The following RAPH1 variants were observed in gnomAD, a reference collection of about 807,000 sequenced individuals.
The protein encoded by RAPH1 is ras-associated and pleckstrin homology domains-containing protein 1.
RAPH1 carries 18 observed loss-of-function variants against 88.1 expected under a neutral mutation model. The observed-to-expected ratio is 0.20, with a 90% confidence interval of 0.14 to 0.30. The LOEUF (loss-of-function observed/expected upper bound fraction) is 0.30. Ranked by LOEUF, RAPH1 falls within the 10% of genes least tolerant of loss-of-function variation. The pLI is 1.00. For missense variants in RAPH1, 1,448 were observed against 1,543.2 expected, an observed-to-expected ratio of 0.94 and a Z score of 1.03; for synonymous variants, 587 against 559.0, an observed-to-expected ratio of 1.05 and a Z score of -0.71.
chr2:203,496,698 G>A (rs919436136), intron 1 of RAPH1, among the ~76,000 whole-genome samples: 2 of 152,100 alleles, frequency 1.3e-5, no homozygotes, highest in African/African-American at 2.4e-5. Context: ...CATAGTTACT[G>A]ACTAAAATCT....
At chr2:203,534,159 C>A (rs1690508091) in intron 1 of RAPH1, among the ~76,000 whole-genome samples, 2 of 152,168 alleles carry the variant, frequency 1.3e-5, no homozygotes, top group Admixed American at 1.3e-4. Context: ...GTGGACTTTA[C>A]CTACATAAGC....
At chr2:203,500,003 C>T (rs1475827255) in intron 1 of RAPH1, among the ~76,000 whole-genome samples, 1 of 152,154 alleles carries the variant, frequency 6.6e-6, no homozygotes, top group African/African-American at 2.4e-5. Flanking sequence ...GCTATCAGAG[C>T]CATTTCCATG....
intron 8 of RAPH1, among the ~76,000 whole-genome samples, chr2:203,455,946 T>C (rs777486066): frequency 2.6e-5 from 4 of 151,692 alleles, no homozygotes; most frequent in Admixed American, 6.6e-5. Context: ...GAGGCGGAGA[T>C]TGCAGTGAGC....
intron 10 of RAPH1, among the ~76,000 whole-genome samples, chr2:203,451,862 A>C (rs981778325): frequency 2.0e-5 from 3 of 152,190 alleles, no homozygotes; most frequent in Non-Finnish European, 4.4e-5. Flanking sequence ...TTGGCTTGTC[A>C]GCAGAAAATG....
At chr2:203,461,738 C>A in intron 5 of RAPH1, 110 bp downstream of exon 5, 1 of 698,494 alleles carries the variant, frequency 1.4e-6, no homozygotes, top group South Asian at 2.6e-5. Context: ...GGAAGAAATG[C>A]CCCTGTATCT....
At chr2:203,528,757 G>A (rs1296621915) in intron 1 of RAPH1, among the ~76,000 whole-genome samples, 1 of 151,588 alleles carries the variant, frequency 6.6e-6, no homozygotes, top group Non-Finnish European at 1.5e-5. Context: ...AACCATTACT[G>A]CTTATTAAGT....
chr2:203,528,024 T>G (rs1446298780), intron 1 of RAPH1, among the ~76,000 whole-genome samples: 1 of 152,018 alleles, frequency 6.6e-6, no homozygotes, highest in Non-Finnish European at 1.5e-5. Context: ...ACCAAACAGG[T>G]TTGTCTCATG....
chr2:203,440,074 C>A lies in RAPH1; in HGVS notation c.3116G>T (p.Gly1039Val). ...KLNLSGVNLP[G>V]VLQQGCVSAK... ...TGACACACACCCTTGTTGGAGAACT[C>A]CAGGAAGGTTGACTCCAGAAAGATT... Residue 1039 changes from glycine to valine, a missense_variant, in exon 14 of 14, where the codon GGA becomes GTA. Physicochemically the swap from Gly to Val is moderately radical, Grantham distance 109 (BLOSUM62 -3). Around this residue, in one of 2 missense-constraint regions of RAPH1, gnomAD observed 935 missense variants for 890.1 expected, o/e 1.05. Coordinates refer to ENST00000319170, the MANE Select transcript of RAPH1 (RefSeq NM_213589.3). The A allele has an allele frequency of 6.2e-7, 1 of 1,613,538 alleles. No individual in the cohort carries two copies. The highest frequency in any genetic ancestry group is 1.3e-5 in the African/African-American group (1 of 74,982).
At chr2:203,504,054 T>C (rs974544603) in intron 1 of RAPH1, among the ~76,000 whole-genome samples, 3 of 152,140 alleles carry the variant, frequency 2.0e-5, no homozygotes, top group African/African-American at 7.2e-5. Flanking sequence ...CGGGCTGGCA[T>C]TGAGTGTCTG....
intron 1 of RAPH1, among the ~76,000 whole-genome samples, chr2:203,513,687 T>C (rs1186348221): frequency 1.3e-5 from 2 of 149,548 alleles, no homozygotes; most frequent in Non-Finnish European, 3.0e-5. Flanking sequence ...ATACAAAAAT[T>C]AGCCAGGTGT....
chr2:203,481,807 G>A (rs557204955), intron 4 of RAPH1, among the ~76,000 whole-genome samples: 10 of 144,940 alleles, frequency 6.9e-5, no homozygotes, highest in African/African-American at 2.3e-4. Flanking sequence ...TCACCATGTT[G>A]GCCAGGCTGG....
chr2:203,456,667 C>T (rs952325433), intron 8 of RAPH1, among the ~76,000 whole-genome samples: 1 of 152,040 alleles, frequency 6.6e-6, no homozygotes, highest in African/African-American at 2.4e-5. Context: ...TTTTACTTAA[C>T]CGTAGTTAGT....
At chr2:203,518,539 CA>C (rs60376098) in intron 1 of RAPH1, among the ~76,000 whole-genome samples, 1 of 146,640 alleles carries the variant, frequency 6.8e-6, no homozygotes, top group Admixed American at 6.8e-5. Context: ...AACAAAAAAA[CA>C]AAAAAAAAAC....
chr2:203,525,146 A>G (rs921764826), intron 1 of RAPH1, among the ~76,000 whole-genome samples: 6 of 152,222 alleles, frequency 3.9e-5, no homozygotes, highest in Non-Finnish European at 7.3e-5. Context: ...CCAGTTGCCC[A>G]CCAACAGGAA....
chr2:203,500,195 A>G (rs561482736), intron 1 of RAPH1, among the ~76,000 whole-genome samples: 1 of 152,236 alleles, frequency 6.6e-6, no homozygotes, highest in Non-Finnish European at 1.5e-5. Context: ...AAGTGCTATA[A>G]AAGAGGTATG....
intron 2 of RAPH1, among the ~76,000 whole-genome samples, chr2:203,493,896 G>A (rs1310131632): frequency 4.7e-5 from 7 of 149,560 alleles, no homozygotes; most frequent in Non-Finnish European, 7.4e-5. Flanking sequence ...GCTTGAACCC[G>A]GGAGGCGGTG....
intron 1 of RAPH1, among the ~76,000 whole-genome samples, chr2:203,501,815 GAA>G (rs56269110): frequency 5.8e-3 from 619 of 106,668 alleles, no homozygotes; most frequent in South Asian, 0.015. Context: ...TAAGCATTAT[GAA>G]AAAAAAAAAA....
Position 203,506,860 on chromosome 2 carries a change from A to ATC in RAPH1, c.1-11508_1-11507insGA, listed in dbSNP as rs1360083415. ...TATCTATATATCTATCTATATCTAT[A>ATC]TATATATATATATATATATAGATAT... On this transcript the variant is annotated intron_variant, in intron 1 of 13. Coordinates refer to ENST00000319170, the MANE Select transcript of RAPH1 (RefSeq NM_213589.3). Among the ~76,000 whole-genome samples the ATC allele has an allele frequency of 1.9e-3, 153 of 78,908 alleles. 11 individuals carry two copies. The highest frequency in any genetic ancestry group is 2.9e-3 in the South Asian group (8 of 2,804). The allele number at this position is 78,908 out of a possible 152,430, so 51.8% of individuals were successfully genotyped here. A position where few individuals can be genotyped will look rare whatever the true frequency, so the allele number is the denominator to read the frequency against.
At chr2:203,534,342 T>C (rs2106027716) in intron 1 of RAPH1, among the ~76,000 whole-genome samples, 1 of 152,294 alleles carries the variant, frequency 6.6e-6, no homozygotes, top group African/African-American at 2.4e-5. Flanking sequence ...AAGGCTCTTA[T>C]TTCATATTAA....
Sources: gnomAD v4.1 joint callset for allele counts (sites outside exome capture counted in the v4.1 genomes callset) on GRCh38, gnomAD v4.1.1 for gene constraint, gnomAD v4.1.1 regional missense constraint, MANE v1.5 for transcripts, NCBI Gene and HGNC (gene_info 2026-07-23, HGNC 2026-07-21) for gene names.